The following PPIE variants were observed in gnomAD, a reference collection of about 807,000 sequenced individuals.
PPIE encodes the protein peptidyl-prolyl cis-trans isomerase E.
Under a neutral mutation model 38.4 loss-of-function variants are expected in PPIE, and 20 were observed. That is an observed-to-expected ratio of 0.52 (90% confidence interval 0.37 to 0.76). The LOEUF is 0.76. Ranked by LOEUF, PPIE falls within the 30% of genes least tolerant of loss-of-function variation. The pLI is 0.00. For missense variants in PPIE, 322 were observed against 385.8 expected (o/e 0.83, Z 1.39); for synonymous variants, 142 against 135.7 (o/e 1.05, Z -0.32).
At chr1:39,760,842 C>T (rs1648865348), downstream of PPIE, among the ~76,000 whole-genome samples, 2 of 152,140 alleles carry the variant, frequency 1.3e-5, no homozygotes, top group South Asian at 4.1e-4. Context: ...GAGTCCCAGG[C>T]CAAGGGCTCA....
chr1:39,753,844 G>T lies in PPIE; in HGVS notation c.*489G>T. The T allele has an allele frequency of 3.0e-6, 3 of 987,118 alleles. No individual in the cohort carries two copies. The highest frequency in any genetic ancestry group is 3.6e-6 in the Non-Finnish European group (3 of 831,102). 61.1% of individuals were successfully genotyped at this position (987,118 alleles called of 1,614,324 possible). A position where few individuals can be genotyped will look rare whatever the true frequency, so the allele number is the denominator to read the frequency against. On this transcript the variant is annotated 3_prime_UTR_variant, in exon 10 of 10. Transcript: ENST00000324379. ...CTCCCTTGGGCCGATCCCCTTAGAT[G>T]TCAGGTGATGTATCTTCACACCAGG... is the stretch of plus-strand genomic sequence containing the variant.
At chr1:39,760,696 T>A, downstream of PPIE, 1 of 1,214,104 alleles carries the variant, frequency 8.2e-7, no homozygotes, top group Non-Finnish European at 1.1e-6. Flanking sequence ...AGCAGCACAA[T>A]AATAATAACT....
intron 9 of PPIE, chr1:39,763,280 C>T (rs1649278801): frequency 7.2e-7 from 1 of 1,384,618 alleles, no homozygotes; most frequent in African/African-American, 1.4e-5. Flanking sequence ...TCCTCCAGCC[C>T]TGCAGGGCCG....
At chr1:39,745,703 T>A (rs1647185661) in intron 7 of PPIE, 1 of 653,530 alleles carries the variant, frequency 1.5e-6, no homozygotes, top group Middle Eastern at 4.3e-4. Context: ...TACTGTTTTT[T>A]AATCGTTTTT....
Position 39,754,473 on chromosome 1 carries a change from T to C in PPIE, c.*1118T>C, listed in dbSNP as rs984917739. On this transcript the variant is annotated 3_prime_UTR_variant, in exon 10 of 10. Coordinates refer to ENST00000324379, the MANE Select transcript of PPIE (RefSeq NM_006112.4). Reference sequence around the variant, plus strand: ...AATTCTTCCTCCAGTGATCTCAGTCTTTTTTCTCTTAAGAATTTCAACTGA... The same window carrying C: ...AATTCTTCCTCCAGTGATCTCAGTCCTTTTTCTCTTAAGAATTTCAACTGA... Among the ~76,000 whole-genome samples the C allele has an allele frequency of 1.3e-5, 2 of 152,232 alleles. No homozygotes were observed. Among genetic ancestry groups the C allele is most frequent in the African/African-American group, 4.8e-5 (2 of 41,462 alleles).
rs1291697458 is a variant in PPIE, at chr1:39,754,089, G to C, written c.*734G>C. 1 of 984,400 alleles carries C rather than the reference G, an allele frequency of 1.0e-6. No individual in the cohort carries two copies. Among genetic ancestry groups the C allele is most frequent in the South Asian group, 4.7e-5 (1 of 21,260 alleles). The allele number at this position is 984,400 out of a possible 1,614,324, so 61.0% of individuals were successfully genotyped here. On this transcript the variant is annotated 3_prime_UTR_variant, in exon 10 of 10. Coordinates refer to ENST00000324379, the MANE Select transcript of PPIE (RefSeq NM_006112.4). ...TACTATGCCTATTTGTCAGGAGACAGGAAGCCAACAAACTACATGTGCCTA... is the reference window on the plus strand; with the variant it reads ...TACTATGCCTATTTGTCAGGAGACACGAAGCCAACAAACTACATGTGCCTA...
At chr1:39,741,074 C>G (rs560626730) in intron 2 of PPIE, among the ~76,000 whole-genome samples, 2 of 152,080 alleles carry the variant, frequency 1.3e-5, no homozygotes, top group Non-Finnish European at 2.9e-5. Flanking sequence ...TTTCTAATTG[C>G]TTTGCATGCA....
At position 39,753,599 on chromosome 1, in the gene PPIE, A is replaced by G; in HGVS notation, c.*244A>G. On this transcript the variant is annotated 3_prime_UTR_variant, in exon 10 of 10. Transcript: ENST00000324379. ...CCCTCCACCATGGGCAGGCTGTGCA[A>G]AAAGCCACTGGCTTTTCTCAGCATT... 7.4e-7 allele frequency: 1 copy of G among 1,350,316 alleles called. No individual in the cohort carries two copies. The allele number at this position is 1,350,316 out of a possible 1,614,324, so 83.6% of individuals were successfully genotyped here. A position where few individuals can be genotyped will look rare whatever the true frequency, so the allele number is the denominator to read the frequency against.
chr1:39,762,967 G>A, intron 9 of PPIE: 2 of 1,220,298 alleles, frequency 1.6e-6, no homozygotes, highest in Non-Finnish European at 1.2e-6. Flanking sequence ...GTTACTGACT[G>A]TGCAGACAAA....
Position 39,753,495 on chromosome 1 carries a change from CT to C in PPIE, c.*142del, listed in dbSNP as rs1647975657. The C allele has an allele frequency of 6.9e-7, 1 of 1,457,140 alleles. No individual in the cohort carries two copies. The highest frequency in any genetic ancestry group is 1.4e-5 in the African/African-American group (1 of 70,790). 90.3% of individuals were successfully genotyped at this position (1,457,140 alleles called of 1,614,324 possible). Reference sequence around the variant, plus strand: ...GATATGTGCCCTTCCTCAGGGTCTGCTTGGAGCAGCTCCTCTGCAGGCACAG... The same window carrying C: ...GATATGTGCCCTTCCTCAGGGTCTGCTGGAGCAGCTCCTCTGCAGGCACAG... On this transcript the variant is annotated 3_prime_UTR_variant, in exon 10 of 10. Transcript: ENST00000324379.
chr1:39,752,872 C>T (rs201373389), intron 8 of PPIE, 38 bp from the exon 9 acceptor site: 1 of 1,594,052 alleles, frequency 6.3e-7, no homozygotes, highest in African/African-American at 1.3e-5. Context: ...GGGCTGGTAG[C>T]CAGGGTTCGG....
chr1:39,753,135 TGA>T (rs1647921714), intron 9 of PPIE, 83 bp downstream of exon 9: 3 of 1,595,186 alleles, frequency 1.9e-6, no homozygotes, highest in African/African-American at 2.7e-5. Context: ...CTCTGTGGCC[TGA>T]GAGAGATGGC....
intron 3 of PPIE, 159 bp downstream of exon 3, chr1:39,741,568 A>G: frequency 2.6e-6 from 2 of 761,156 alleles, no homozygotes; most frequent in Non-Finnish European, 4.4e-6. Flanking sequence ...TCTCTCACAT[A>G]ATCAGACTGG....
At chr1:39,739,156 G>A (rs145139813) in intron 1 of PPIE, 2 of 424,522 alleles carry the variant, frequency 4.7e-6, no homozygotes, top group African/African-American at 2.0e-5. Context: ...CACTTCTCCA[G>A]CTTCTTTGCT....
chr1:39,743,004 G>T (rs1226292325), intron 4 of PPIE: 1 of 478,344 alleles, frequency 2.1e-6, no homozygotes, highest in Non-Finnish European at 3.7e-6. Flanking sequence ...GTTACTTTTG[G>T]TAATACAGGT....
chr1:39,760,344 G>A, downstream of PPIE: 2 of 1,593,796 alleles, frequency 1.3e-6, no homozygotes, highest in Non-Finnish European at 8.5e-7. Flanking sequence ...GTCTGGCTGG[G>A]TTTGAGGGTT....
chr1:39,756,324 A>G lies in PPIE; in HGVS notation c.*2969A>G. On this transcript the variant is annotated 3_prime_UTR_variant, in exon 10 of 10. Coordinates refer to ENST00000324379, the MANE Select transcript of PPIE (RefSeq NM_006112.4). ...ACATTCCCATTGCTGGACCAGCACC[A>G]GGACTGGGCACAGGGCTTCCTTTTG... 1 of 985,432 alleles carries G rather than the reference A, an allele frequency of 1.0e-6. No individual in the cohort carries two copies. Among genetic ancestry groups the G allele is most frequent in the Non-Finnish European group, 1.2e-6 (1 of 829,928 alleles). 61.0% of individuals were successfully genotyped at this position (985,432 alleles called of 1,614,324 possible).
intron 9 of PPIE, among the ~76,000 whole-genome samples, chr1:39,762,053 G>A (rs750934255): frequency 6.6e-6 from 1 of 152,220 alleles, no homozygotes; most frequent in Non-Finnish European, 1.5e-5. Context: ...AAGGGTGGCT[G>A]GGCTGGGCCG....
chr1:39,742,222 A>G, intron 4 of PPIE: 1 of 280,892 alleles, frequency 3.6e-6, no homozygotes, highest in Non-Finnish European at 6.7e-6. Context: ...GTAACTGCAT[A>G]TTTTGCAAAA....
Sources: gnomAD v4.1 joint callset for allele counts (sites outside exome capture counted in the v4.1 genomes callset) on GRCh38, gnomAD v4.1.1 for gene constraint, MANE v1.5 for transcripts, NCBI Gene and HGNC (gene_info 2026-07-23, HGNC 2026-07-21) for gene names.